Variants in NBAS observed in about 807,000 individuals in gnomAD.
NBAS encodes NAG/BC035112 fusion.
NBAS carries 219 observed loss-of-function variants against 302.5 expected under a neutral mutation model. The ratio of observed to expected loss-of-function variants is 0.72; its 90% confidence interval spans 0.65 to 0.81. The LOEUF is 0.81. Among genes scored for constraint, NBAS ranks in the 30% least tolerant of loss-of-function variants. The pLI is 0.00. For missense variants in NBAS, 2,932 were observed against 2,841.6 expected, an observed-to-expected ratio of 1.03 and a Z score of -0.72; for synonymous variants, 1,118 against 1,021.6, an observed-to-expected ratio of 1.09 and a Z score of -1.80.
At chr2:15,337,874 T>C (rs900497505) in intron 35 of NBAS, among the ~76,000 whole-genome samples, 4 of 152,196 alleles carry the variant, frequency 2.6e-5, no homozygotes, top group Non-Finnish European at 5.9e-5. Context: ...CCCGAAATGA[T>C]TACTACTGCC....
At chr2:14,997,501 A>G in the NBAS span, among the ~76,000 whole-genome samples, 1 of 151,350 alleles carries the variant, frequency 6.6e-6, no homozygotes, top group Non-Finnish European at 1.5e-5. Flanking sequence ...GGTATAACTG[A>G]CAAATAAAAC....
At chr2:14,815,845 A>G in the NBAS span, among the ~76,000 whole-genome samples, 1 of 152,164 alleles carries the variant, frequency 6.6e-6, no homozygotes, top group East Asian at 1.9e-4. Flanking sequence ...CAGCAACATA[A>G]CTATCTACCC....
intron 48 of NBAS, among the ~76,000 whole-genome samples, chr2:15,213,602 A>G (rs560834625): frequency 6.6e-6 from 1 of 152,350 alleles, no homozygotes; most frequent in African/African-American, 2.4e-5. Context: ...TTTTAGAACC[A>G]GACAGAACTG....
chr2:15,478,174 A>C, intron 13 of NBAS, 52 bp downstream of exon 13: 1 of 1,205,166 alleles, frequency 8.3e-7, no homozygotes, highest in Non-Finnish European at 1.2e-6. Flanking sequence ...AGAATCTTGT[A>C]TAATAATAGG....
chr2:15,504,696 T>C (rs936886083), intron 10 of NBAS, among the ~76,000 whole-genome samples: 2 of 152,192 alleles, frequency 1.3e-5, no homozygotes, highest in Non-Finnish European at 2.9e-5. Context: ...TTAGAAACTA[T>C]ATTTTTTCAG....
intron 44 of NBAS, among the ~76,000 whole-genome samples, chr2:15,258,583 C>CT (rs1668709041): frequency 6.6e-6 from 1 of 152,102 alleles, no homozygotes; most frequent in Non-Finnish European, 1.5e-5. Context: ...GAGATAAGGA[C>CT]TGAAATACGC....
downstream of NBAS, among the ~76,000 whole-genome samples, chr2:15,162,376 C>G (rs953112840): frequency 6.6e-6 from 1 of 152,330 alleles, no homozygotes; most frequent in South Asian, 2.1e-4. Flanking sequence ...TCCCTCATCA[C>G]CTGACCATTG....
At chr2:15,498,928 ACTTT>A in intron 11 of NBAS, among the ~76,000 whole-genome samples, 1 of 110,300 alleles carries the variant, frequency 9.1e-6, no homozygotes, top group Non-Finnish European at 1.9e-5. Flanking sequence ...TCAGGGAGTT[ACTTT>A]TTTTTTTTTT....
At chr2:15,047,421 T>C in the NBAS span, among the ~76,000 whole-genome samples, 12 of 152,016 alleles carry the variant, frequency 7.9e-5, no homozygotes, top group Non-Finnish European at 1.3e-4. Flanking sequence ...GCTGGGCTTA[T>C]GCAGGTAAAG....
chr2:14,786,929 G>A, the NBAS span, among the ~76,000 whole-genome samples: 2 of 152,146 alleles, frequency 1.3e-5, no homozygotes, highest in Admixed American at 6.5e-5. Flanking sequence ...GGGTGTTAAA[G>A]TCTCCCATTA....
At chr2:14,907,891 G>A in the NBAS span, among the ~76,000 whole-genome samples, 2 of 152,200 alleles carry the variant, frequency 1.3e-5, no homozygotes, top group African/African-American at 4.8e-5. Flanking sequence ...CTATGAAACA[G>A]GAGGGGGAGA....
chr2:15,333,553 T>C (rs142839538), intron 35 of NBAS, among the ~76,000 whole-genome samples: 235 of 152,254 alleles, frequency 1.5e-3, no homozygotes, highest in African/African-American at 5.5e-3. Context: ...AGCGACTGAA[T>C]TGAGGTAGTG....
the NBAS span, among the ~76,000 whole-genome samples, chr2:15,120,678 C>T: frequency 6.8e-3 from 1,031 of 152,276 alleles, 11 homozygotes; most frequent in African/African-American, 0.023. Flanking sequence ...CCCATCAATG[C>T]GCCATAAGTG....
the NBAS span, among the ~76,000 whole-genome samples, chr2:15,019,984 C>T: frequency 6.6e-6 from 1 of 152,184 alleles, no homozygotes; most frequent in Non-Finnish European, 1.5e-5. Context: ...TATCTTCCTA[C>T]ATAGCGTTAA....
At chr2:15,302,824 G>C (rs887595488) in intron 40 of NBAS, among the ~76,000 whole-genome samples, 7 of 152,204 alleles carry the variant, frequency 4.6e-5, no homozygotes, top group African/African-American at 1.7e-4. Context: ...TCAGCTGCCA[G>C]TGTGCCTAGA....
At chr2:15,445,731 T>C (rs1678700796) in intron 21 of NBAS, among the ~76,000 whole-genome samples, 1 of 151,940 alleles carries the variant, frequency 6.6e-6, no homozygotes, top group Admixed American at 6.6e-5. Flanking sequence ...ATTCTTAATG[T>C]CTGTTATCCA....
intron 50 of NBAS, among the ~76,000 whole-genome samples, chr2:15,186,532 C>T (rs1029303669): frequency 1.3e-5 from 2 of 152,102 alleles, no homozygotes; most frequent in African/African-American, 4.8e-5. Context: ...GGAACTTGTA[C>T]AGGAAACGCT....
At chr2:14,946,926 A>T in the NBAS span, among the ~76,000 whole-genome samples, 1 of 152,226 alleles carries the variant, frequency 6.6e-6, no homozygotes, top group Non-Finnish European at 1.5e-5. Flanking sequence ...CCTACCAATG[A>T]GTCAATTACA....
At chr2:15,069,977 G>A in the NBAS span, among the ~76,000 whole-genome samples, 1 of 124,312 alleles carries the variant, frequency 8.0e-6, no homozygotes, top group African/African-American at 2.8e-5. Flanking sequence ...TCACTCAGGT[G>A]TGCTACCTTT....
Sources: allele counts gnomAD v4.1 joint callset (sites outside exome capture counted in the v4.1 genomes callset), GRCh38; gene constraint gnomAD v4.1.1; transcripts MANE v1.5; gene names NCBI Gene and HGNC (gene_info 2026-07-23, HGNC 2026-07-21).